Variants in RGPD2 observed in about 807,000 individuals in gnomAD.
The protein encoded by RGPD2 is RANBP2 like and GRIP domain containing 2, also known as RANBP2-like and GRIP domain-containing protein 2.
A neutral mutation model predicts 36.0 loss-of-function variants in RGPD2; 2 were observed. The observed-to-expected ratio is 0.06, with a 90% CI of 0.02 to 0.17. The LOEUF is 0.17. Ranked by LOEUF, RGPD2 falls within the 10% of genes least tolerant of loss-of-function variation. RGPD2 has a pLI of 1.00. For missense variants in RGPD2, 40 were observed against 464.3 expected, an observed-to-expected ratio of 0.09 and a Z score of 8.40; for synonymous variants, 19 against 163.8, an observed-to-expected ratio of 0.12 and a Z score of 6.75.
At chr2:87,834,092 C>A in the RGPD2 span, among the ~76,000 whole-genome samples, 1 of 118,252 alleles carries the variant, frequency 8.5e-6, no homozygotes, top group African/African-American at 3.3e-5. Context: ...TATACTACAT[C>A]ATAACCAAGT....
the RGPD2 span, among the ~76,000 whole-genome samples, chr2:87,963,896 C>T: frequency 9.9e-4 from 129 of 130,458 alleles, 1 homozygote; most frequent in Admixed American, 2.8e-3. Context: ...ACTCCAGTGG[C>T]GCAATCTCGG....
chr2:87,824,557 C>CA (rs1686528037), intron 1 of RGPD2, among the ~76,000 whole-genome samples: 1 of 151,854 alleles, frequency 6.6e-6, no homozygotes, highest in Admixed American at 6.5e-5. Context: ...TTTGTCATTT[C>CA]ACTCAAACCT....
At chr2:87,832,560 CAGA>C in the RGPD2 span, among the ~76,000 whole-genome samples, 17 of 147,036 alleles carry the variant, frequency 1.2e-4, no homozygotes, top group African/African-American at 3.3e-4. Context: ...AACCCACACA[CAGA>C]AGAAGATTAT....
intron 1 of RGPD2, among the ~76,000 whole-genome samples, chr2:87,825,338 T>C (rs930114196): frequency 6.7e-6 from 1 of 149,966 alleles, no homozygotes; most frequent in Non-Finnish European, 1.5e-5. Context: ...ATCATTTTTA[T>C]TGCCACAACT....
chr2:87,861,230 T>C, the RGPD2 span, among the ~76,000 whole-genome samples: 3 of 151,386 alleles, frequency 2.0e-5, no homozygotes, highest in Admixed American at 6.6e-5. Context: ...TATTATAGAA[T>C]TGACATTTTC....
chr2:87,961,455 C>A, the RGPD2 span, among the ~76,000 whole-genome samples: 2 of 151,916 alleles, frequency 1.3e-5, no homozygotes, highest in Non-Finnish European at 2.9e-5. Flanking sequence ...AATCCCAACA[C>A]TTTGGGAGGC....
chr2:87,964,064 G>C, the RGPD2 span, among the ~76,000 whole-genome samples: 1 of 151,764 alleles, frequency 6.6e-6, no homozygotes, highest in Admixed American at 6.6e-5. Flanking sequence ...TTGAACTCCT[G>C]GCCTCCAGTG....
At chr2:87,839,256 T>C in the RGPD2 span, among the ~76,000 whole-genome samples, 4 of 152,066 alleles carry the variant, frequency 2.6e-5, no homozygotes, top group Non-Finnish European at 5.9e-5. Context: ...TATATGTGGC[T>C]AACAAGCATA....
the RGPD2 span, among the ~76,000 whole-genome samples, chr2:87,971,864 A>C: frequency 2.0e-5 from 3 of 152,168 alleles, no homozygotes; most frequent in Non-Finnish European, 4.4e-5. Context: ...AGTAATAATA[A>C]TCTGCTGAAA....
the RGPD2 span, among the ~76,000 whole-genome samples, chr2:87,955,015 T>G: frequency 7.9e-5 from 3 of 37,736 alleles, no homozygotes; most frequent in African/African-American, 1.6e-4. Context: ...TTTTTTTTTT[T>G]TTTTTGTTTG....
the RGPD2 span, among the ~76,000 whole-genome samples, chr2:87,912,762 A>G: frequency 1.3e-4 from 13 of 101,470 alleles, no homozygotes; most frequent in Non-Finnish European, 2.0e-4. Context: ...GAGAGACATT[A>G]AAAGATTATG....
chr2:87,915,403 T>C, the RGPD2 span, among the ~76,000 whole-genome samples: 1 of 142,626 alleles, frequency 7.0e-6, no homozygotes, highest in Non-Finnish European at 1.5e-5. Flanking sequence ...ATGTATATTA[T>C]ATATATTGTA....
chr2:87,957,188 A>C, the RGPD2 span, among the ~76,000 whole-genome samples: 7 of 146,118 alleles, frequency 4.8e-5, no homozygotes, highest in African/African-American at 5.0e-5. Context: ...ACGTGATGGC[A>C]CTTGGAGATG....
chr2:87,937,713 G>A, the RGPD2 span, among the ~76,000 whole-genome samples: 1 of 151,894 alleles, frequency 6.6e-6, no homozygotes, highest in African/African-American at 2.4e-5. Flanking sequence ...GATTTGGAGG[G>A]GACAAACGTC....
chr2:87,917,317 A>G, the RGPD2 span, among the ~76,000 whole-genome samples: 1 of 114,436 alleles, frequency 8.7e-6, no homozygotes, highest in Non-Finnish European at 1.8e-5. Context: ...ATAGAATCTG[A>G]CAGGATCTGA....
the RGPD2 span, among the ~76,000 whole-genome samples, chr2:87,976,438 C>T: frequency 6.6e-6 from 1 of 152,116 alleles, no homozygotes; most frequent in Non-Finnish European, 1.5e-5. Flanking sequence ...GAAGGGCTCT[C>T]TCTCAAATGT....
At chr2:87,869,521 TAAAA>T in the RGPD2 span, among the ~76,000 whole-genome samples, 1 of 125,564 alleles carries the variant, frequency 8.0e-6, no homozygotes, top group Non-Finnish European at 1.7e-5. Context: ...TTTTATAAAA[TAAAA>T]TAATTCATTA....
chr2:87,876,429 C>A, the RGPD2 span, among the ~76,000 whole-genome samples: 1 of 152,216 alleles, frequency 6.6e-6, no homozygotes, highest in Admixed American at 6.5e-5. Context: ...TACATTGTCT[C>A]TTTATCCTCA....
intron 8 of RGPD2, among the ~76,000 whole-genome samples, chr2:87,799,123 C>T (rs1415930213): frequency 6.6e-6 from 1 of 151,470 alleles, no homozygotes; most frequent in Non-Finnish European, 1.5e-5. Context: ...AATCCCAGCA[C>T]TTTGGGAGGC....
Sources: allele counts gnomAD v4.1 joint callset (sites outside exome capture counted in the v4.1 genomes callset), GRCh38; gene constraint gnomAD v4.1.1; transcripts MANE v1.5; gene names NCBI Gene and HGNC (gene_info 2026-07-23, HGNC 2026-07-21).